Variants in MRTFB observed in about 807,000 individuals in gnomAD.
MRTFB encodes myocardin-related transcription factor B.
Under a neutral mutation model 104.2 loss-of-function variants are expected in MRTFB, and 29 were observed. That is an observed-to-expected ratio of 0.28 (90% CI 0.21 to 0.38). The LOEUF (loss-of-function observed/expected upper bound fraction) is 0.38, where lower values mean the gene tolerates loss of function less well. MRTFB is among the 10% of genes least tolerant of loss of function. The probability of loss-of-function intolerance (pLI) is 1.00; values close to 1 mark genes in which losing one functional copy is unlikely to be tolerated. For missense variants in MRTFB, 1,270 were observed against 1,341.6 expected, an observed-to-expected ratio of 0.95 and a Z score of 0.83; for synonymous variants, 535 against 519.5, an observed-to-expected ratio of 1.03 and a Z score of -0.41.
chr16:14,004,121 G>T, the MRTFB span, among the ~76,000 whole-genome samples: 57 of 152,304 alleles, frequency 3.7e-4, no homozygotes, highest in African/African-American at 1.3e-3. Context: ...AGCCCCAGGA[G>T]CTCCTTGGAG....
intron 3 of MRTFB, among the ~76,000 whole-genome samples, chr16:14,159,929 C>CAA (rs552159164): frequency 0.072 from 3,807 of 53,238 alleles, 263 homozygotes; most frequent in East Asian, 0.3. Flanking sequence ...GACTCCGTCT[C>CAA]AAAAAAAAAA....
At chr16:14,138,811 A>C (rs1480076385) in intron 2 of MRTFB, among the ~76,000 whole-genome samples, 3 of 152,242 alleles carry the variant, frequency 2.0e-5, no homozygotes, top group Non-Finnish European at 4.4e-5. Flanking sequence ...CAAAGATGCA[A>C]AGGCAGCTTA....
At chr16:14,203,804 GAAAA>G (rs908323645) in intron 3 of MRTFB, among the ~76,000 whole-genome samples, 4 of 46,568 alleles carry the variant, frequency 8.6e-5, no homozygotes, top group Admixed American at 2.4e-4. Flanking sequence ...ACTCTGTCTC[GAAAA>G]AAAAAAAAAA....
At chr16:14,243,394 C>T (rs1174631586) in intron 10 of MRTFB, among the ~76,000 whole-genome samples, 1 of 152,204 alleles carries the variant, frequency 6.6e-6, no homozygotes, top group African/African-American at 2.4e-5. Flanking sequence ...ACCCCGTAGG[C>T]ACTGTCACCT....
rs774964680 is a variant in MRTFB at position 14,249,057 on chromosome 16, C to T, written c.2379C>T (p.Leu793=). The change falls in exon 13 of 17, where the codon CTC becomes CTT. Residue 793 remains leucine (L), a synonymous_variant. Coordinates refer to ENST00000571589, the MANE Select transcript of MRTFB (RefSeq NM_001308142.2). ...AAGACACGTTCCCGCAGCATGTGCT[C>T]AGTCAGCCTCAACAAGTCAGAAAGG... ...QTQDTFPQHV[L]SQPQQVRKVF... 6 of 1,614,094 alleles carry T rather than the reference C, an allele frequency of 3.7e-6. 1 individual carries two copies. In the South Asian group the frequency reaches 5.5e-5, roughly 15 times the overall value.
At chr16:14,162,451 A>G (rs913490228) in intron 3 of MRTFB, among the ~76,000 whole-genome samples, 1 of 152,170 alleles carries the variant, frequency 6.6e-6, no homozygotes, top group Non-Finnish European at 1.5e-5. Flanking sequence ...TAGCAGCACT[A>G]TTTGTTGTAG....
At chr16:14,013,913 G>C in the MRTFB span, among the ~76,000 whole-genome samples, 1 of 152,308 alleles carries the variant, frequency 6.6e-6, no homozygotes, top group Non-Finnish European at 1.5e-5. Flanking sequence ...TCCAGCATGT[G>C]AAGTCCACCC....
chr16:14,229,483 C>T (rs897413364), intron 8 of MRTFB, among the ~76,000 whole-genome samples: 5 of 152,056 alleles, frequency 3.3e-5, no homozygotes, highest in Admixed American at 6.6e-5. Flanking sequence ...TACAAAAAAG[C>T]TTTGTTTTTA....
chr16:14,115,149 A>G (rs2036479020), intron 2 of MRTFB, among the ~76,000 whole-genome samples: 1 of 152,250 alleles, frequency 6.6e-6, no homozygotes, highest in Non-Finnish European at 1.5e-5. Flanking sequence ...AGTCCTTTTC[A>G]GCACCACGCT....
Position 14,233,518 on chromosome 16 carries a change from T to C in MRTFB, c.694-628T>C, listed in dbSNP as rs138406165. On this transcript the variant is annotated intron_variant, in intron 8 of 16. Transcript: ENST00000571589. ...AATACCATGTATTGACCAGGCACAGTGGCTCATGGGTGTAATCTCAGCACT... is the reference window on the plus strand; with the variant it reads ...AATACCATGTATTGACCAGGCACAGCGGCTCATGGGTGTAATCTCAGCACT... 2.2e-3 allele frequency among the ~76,000 whole-genome samples: 333 copies of C among 152,204 alleles called. 2 individuals carry two copies. The highest frequency in any genetic ancestry group is 7.6e-3 in the African/African-American group (316 of 41,526).
At position 14,258,138 on chromosome 16, in the gene MRTFB, T is replaced by A; in HGVS notation, c.2741T>A (p.Phe914Tyr). The change falls in exon 16 of 17, where the codon TTT becomes TAT. Residue 914 changes from phenylalanine (F) to tyrosine (Y), a missense_variant. Coordinates refer to ENST00000571589, the MANE Select transcript of MRTFB (RefSeq NM_001308142.2). ...NAHSQQMDDLFDILIKSGEIS... is the reference protein window; with the variant it reads ...NAHSQQMDDLYDILIKSGEIS... ...CACAGTCAGCAGATGGATGACCTCT[T>A]TGATATCCTCATTAAGAGTGGAGGT... 1 of 1,614,010 alleles carries A rather than the reference T, an allele frequency of 6.2e-7. No individual in the cohort carries two copies. The highest frequency in any genetic ancestry group is 8.5e-7 in the Non-Finnish European group (1 of 1,179,910).
intron 3 of MRTFB, among the ~76,000 whole-genome samples, chr16:14,202,932 C>G (rs2040772205): frequency 6.6e-6 from 1 of 152,192 alleles, no homozygotes; most frequent in Non-Finnish European, 1.5e-5. Context: ...TCACTTAATA[C>G]TATTTAAACA....
At position 14,261,678 on chromosome 16, in the gene MRTFB, A is replaced by C. The variant is rs2043784604; in HGVS notation, c.*234A>C. The C allele has an allele frequency of 2.2e-6, 1 of 458,424 alleles. No homozygotes were observed. Among genetic ancestry groups the C allele is most frequent in the Admixed American group, 3.8e-5 (1 of 26,088 alleles). 28.4% of individuals were successfully genotyped at this position (458,424 alleles called of 1,614,324 possible). A position where few individuals can be genotyped will look rare whatever the true frequency, so the allele number is the denominator to read the frequency against. On this transcript the variant is annotated 3_prime_UTR_variant, in exon 17 of 17. Transcript: ENST00000571589. Reference sequence around the variant, plus strand: ...GGGCCTTCTGAAAATCGCACTTGTCAAAGACGACTCATCTATTTCTCCAGA... The same window carrying C: ...GGGCCTTCTGAAAATCGCACTTGTCCAAGACGACTCATCTATTTCTCCAGA...
intron 3 of MRTFB, among the ~76,000 whole-genome samples, chr16:14,190,184 G>C (rs2040115230): frequency 6.6e-6 from 1 of 152,176 alleles, no homozygotes; most frequent in Non-Finnish European, 1.5e-5. Context: ...CTCTAGGAGA[G>C]AACAGCAATA....
At chr16:14,116,664 G>T (rs1479371238) in intron 2 of MRTFB, among the ~76,000 whole-genome samples, 1 of 152,034 alleles carries the variant, frequency 6.6e-6, no homozygotes, top group Admixed American at 6.5e-5. Flanking sequence ...CTTTGTTGGT[G>T]GGGGCGGTGG....
chr16:14,219,203 T>G (rs910766095), intron 8 of MRTFB, among the ~76,000 whole-genome samples: 2 of 152,206 alleles, frequency 1.3e-5, no homozygotes, highest in Non-Finnish European at 2.9e-5. Flanking sequence ...GGTAATACCA[T>G]TTCCTGAAAT....
In MRTFB at chr16:14,202,465, G is replaced by A. The variant is rs146387552; in HGVS notation, c.155-7778G>A. ...ACACATAGTGTTCTGTTTGAGTCCC[G>A]GGCTCAGAAGGAGACCCTTCGTGAT... On this transcript the variant is annotated intron_variant, in intron 3 of 16. Transcript: ENST00000571589. Among the ~76,000 whole-genome samples, 371 of 152,144 alleles carry A rather than the reference G, an allele frequency of 2.4e-3. 1 individual carries two copies. Among genetic ancestry groups the A allele is most frequent in the African/African-American group, 8.5e-3 (353 of 41,508 alleles).
At chr16:14,178,741 GT>G (rs921778193) in intron 3 of MRTFB, among the ~76,000 whole-genome samples, 3 of 151,456 alleles carry the variant, frequency 2.0e-5, no homozygotes, top group Admixed American at 1.3e-4. Context: ...GGCAGGGGAG[GT>G]TTTTTTTGTT....
chr16:14,174,015 T>A (rs1252616936), intron 3 of MRTFB, among the ~76,000 whole-genome samples: 1 of 152,214 alleles, frequency 6.6e-6, no homozygotes, highest in Non-Finnish European at 1.5e-5. Context: ...TGGTTTTACA[T>A]TGAGATCAGA....
Sources: gnomAD v4.1 joint callset for allele counts (sites outside exome capture counted in the v4.1 genomes callset) on GRCh38, gnomAD v4.1.1 for gene constraint, MANE v1.5 for transcripts, NCBI Gene and HGNC (gene_info 2026-07-23, HGNC 2026-07-21) for gene names.